The following ZBTB16 variants were observed in gnomAD, a reference collection of about 807,000 sequenced individuals.
ZBTB16 encodes zinc finger and BTB domain containing 16.
In ZBTB16, 8 loss-of-function variants were observed where a neutral mutation model predicts 56.8. That is an observed-to-expected ratio of 0.14 (90% confidence interval 0.08 to 0.25). The LOEUF (loss-of-function observed/expected upper bound fraction) is 0.25. Ranked by LOEUF, ZBTB16 falls within the 10% of genes least tolerant of loss-of-function variation. The pLI, the probability that ZBTB16 is intolerant of heterozygous loss-of-function variation, is 1.00. For missense variants in ZBTB16, 625 were observed against 903.0 expected (o/e 0.69, Z 3.95); for synonymous variants, 363 against 368.5 (o/e 0.98, Z 0.17).
chr11:114,203,285 G>A (rs938356483), intron 4 of ZBTB16, among the ~76,000 whole-genome samples: 2 of 152,234 alleles, frequency 1.3e-5, no homozygotes, highest in Admixed American at 1.3e-4. Flanking sequence ...ATTAGTGGAT[G>A]CCACAGGCTT....
At chr11:114,078,368 ATGT>A (rs1420476576) in intron 2 of ZBTB16, among the ~76,000 whole-genome samples, 2 of 152,214 alleles carry the variant, frequency 1.3e-5, no homozygotes, top group Non-Finnish European at 2.9e-5. Flanking sequence ...CAGAAAAATG[ATGT>A]TCATCTGAAA....
chr11:114,236,425 G>C (rs921332639), intron 4 of ZBTB16, among the ~76,000 whole-genome samples: 2 of 152,132 alleles, frequency 1.3e-5, no homozygotes, highest in African/African-American at 4.8e-5. Flanking sequence ...TGTATAATAT[G>C]GCAAAACTGA....
At chr11:114,065,422 CTT>C (rs557087225) in intron 2 of ZBTB16, among the ~76,000 whole-genome samples, 1 of 149,428 alleles carries the variant, frequency 6.7e-6, no homozygotes, top group Non-Finnish European at 1.5e-5. Flanking sequence ...TAATGTCCTT[CTT>C]TTTTTTTTGG....
At chr11:114,179,202 C>T (rs1415319233) in intron 3 of ZBTB16, among the ~76,000 whole-genome samples, 3 of 152,170 alleles carry the variant, frequency 2.0e-5, no homozygotes, top group African/African-American at 7.2e-5. Flanking sequence ...TTCCCTGAAT[C>T]TGTGTATCTT....
Position 114,063,242 on chromosome 11 carries a change from C to T in ZBTB16, c.-59C>T. Reference sequence around the variant, plus strand: ...CTATTGGCCCAGGAAGCCCACCCAGCCCCGCCACGCAGAGCCCAGAAGGAA... The same window carrying T: ...CTATTGGCCCAGGAAGCCCACCCAGTCCCGCCACGCAGAGCCCAGAAGGAA... On this transcript the variant is annotated 5_prime_UTR_variant, in exon 2 of 7. Coordinates refer to ENST00000335953, the MANE Select transcript of ZBTB16 (RefSeq NM_006006.6). The surrounding 1 kb of genome is among the most constrained non-coding windows in gnomAD (Gnocchi z 6.5). The T allele has an allele frequency of 6.3e-7, 1 of 1,593,254 alleles. No homozygotes were observed. Among genetic ancestry groups the T allele is most frequent in the South Asian group, 1.1e-5 (1 of 88,994 alleles).
At chr11:114,171,906 G>A (rs946737039) in intron 3 of ZBTB16, among the ~76,000 whole-genome samples, 4 of 152,250 alleles carry the variant, frequency 2.6e-5, no homozygotes, top group African/African-American at 9.6e-5. Flanking sequence ...AAGTTAATGA[G>A]GCGTTCCGCC....
intron 1 of ZBTB16, among the ~76,000 whole-genome samples, chr11:114,062,055 G>A (rs1007962572): frequency 2.0e-5 from 3 of 152,098 alleles, no homozygotes; most frequent in Non-Finnish European, 4.4e-5. Context: ...GTGGGCAGGA[G>A]GGTAGGTACG....
chr11:114,203,922 C>T (rs915634642), intron 4 of ZBTB16, among the ~76,000 whole-genome samples: 7 of 151,992 alleles, frequency 4.6e-5, no homozygotes, highest in Non-Finnish European at 7.4e-5. Context: ...GTAGTGAGTC[C>T]GACATCTGCA....
At chr11:114,232,453 C>T (rs1035233622) in intron 4 of ZBTB16, among the ~76,000 whole-genome samples, 1 of 152,182 alleles carries the variant, frequency 6.6e-6, no homozygotes, top group African/African-American at 2.4e-5. Context: ...TTGTTGAGCA[C>T]GGGGCCCTCA....
At chr11:114,167,231 G>GTTTTTTTTTTTTTT (rs1565663129) in intron 3 of ZBTB16, among the ~76,000 whole-genome samples, 1 of 43,164 alleles carries the variant, frequency 2.3e-5, no homozygotes, top group African/African-American at 4.6e-5. Flanking sequence ...TTTTTTTTTT[G>GTTTTTTTTTTTTTT]GTTTTTTTTT....
At chr11:114,095,248 T>TTCTTTTCTTTTGTTTC (rs1327021438) in intron 2 of ZBTB16, among the ~76,000 whole-genome samples, 1 of 102,922 alleles carries the variant, frequency 9.7e-6, no homozygotes. Flanking sequence ...TTCTTTTCTT[T>TTCTTTTCTTTTGTTTC]TTTTTTTTTT....
rs1246458255 is a variant in ZBTB16, at chr11:114,253,414, C to T, written c.*2859C>T. Among the ~76,000 whole-genome samples the T allele has an allele frequency of 6.6e-6, 1 of 151,442 alleles. No individual in the cohort carries two copies. The highest frequency in any genetic ancestry group is 2.4e-5 in the African/African-American group (1 of 41,250). ...GTAATGTGAATAGGAAGACAAAAGA[C>T]AAAAAAAAATCCACCACCACCAAAA... is the stretch of plus-strand genomic sequence containing the variant. On this transcript the variant is annotated 3_prime_UTR_variant, in exon 7 of 7. Transcript: ENST00000335953.
chr11:114,209,404 G>C, intron 4 of ZBTB16: 4 of 985,364 alleles, frequency 4.1e-6, no homozygotes, highest in Non-Finnish European at 4.8e-6. Flanking sequence ...GAGGGAGGAA[G>C]GATATAAAAG....
At position 114,192,625 on chromosome 11, in the gene ZBTB16, G is replaced by A. The variant is rs192535693; in HGVS notation, c.1453+5587G>A. Among the ~76,000 whole-genome samples, 52 of 152,316 alleles carry A rather than the reference G, an allele frequency of 3.4e-4. No homozygotes were observed. In the East Asian group the frequency reaches 7.9e-3, roughly 23 times the overall value. On this transcript the variant is annotated intron_variant, in intron 4 of 6. Transcript: ENST00000335953. ...GCCTTGCCCTGTCATGATGGGAGGGGAGCTTTACAGGTGAGCTGTCATTCC... is the reference window on the plus strand; with the variant it reads ...GCCTTGCCCTGTCATGATGGGAGGGAAGCTTTACAGGTGAGCTGTCATTCC...
At chr11:114,069,418 C>T (rs1939247141) in intron 2 of ZBTB16, among the ~76,000 whole-genome samples, 1 of 152,208 alleles carries the variant, frequency 6.6e-6, no homozygotes, top group African/African-American at 2.4e-5. Context: ...TCTCAGGAAC[C>T]ACAGGGAATG....
At chr11:114,204,700 C>T (rs1229907702) in intron 4 of ZBTB16, among the ~76,000 whole-genome samples, 1 of 152,120 alleles carries the variant, frequency 6.6e-6, no homozygotes, top group Non-Finnish European at 1.5e-5. Flanking sequence ...CTCATTACCA[C>T]CTCTCACCTA....
chr11:114,180,112 G>A lies in ZBTB16; in HGVS notation c.1367-6840G>A, dbSNP rs1943212715. ...GGCATGTGCGTCCTGTCTTTCCACC[G>A]AACTTTAACTGGCTTTGAACCTTCC... is the stretch of plus-strand genomic sequence containing the variant. On this transcript the variant is annotated intron_variant, in intron 3 of 6. Transcript: ENST00000335953. Among the ~76,000 whole-genome samples, 3 of 152,260 alleles carry A rather than the reference G, an allele frequency of 2.0e-5. No individual in the cohort carries two copies. In the South Asian group the frequency reaches 6.2e-4, roughly 32 times the overall value.
chr11:114,238,291 C>T (rs1051459472), intron 4 of ZBTB16, among the ~76,000 whole-genome samples: 1 of 152,202 alleles, frequency 6.6e-6, no homozygotes, highest in East Asian at 1.9e-4. Flanking sequence ...CAGGTCAGAT[C>T]GTGCTAGCAC....
chr11:114,146,001 T>A (rs1421470495), intron 2 of ZBTB16, among the ~76,000 whole-genome samples: 2 of 152,106 alleles, frequency 1.3e-5, no homozygotes, highest in Non-Finnish European at 2.9e-5. Context: ...CAAAATGCAA[T>A]GATGGAAAAT....
Sources: gnomAD v4.1 joint callset for allele counts (sites outside exome capture counted in the v4.1 genomes callset) on GRCh38, gnomAD v4.1.1 for gene constraint, Gnocchi (gnomAD v3.1) non-coding constraint, MANE v1.5 for transcripts, NCBI Gene and HGNC (gene_info 2026-07-23, HGNC 2026-07-21) for gene names.